The following MSRA variants were observed in gnomAD, a reference collection of about 807,000 sequenced individuals.
MSRA encodes the protein methionine sulfoxide reductase A, also known as mitochondrial peptide methionine sulfoxide reductase.
A neutral mutation model predicts 31.3 loss-of-function variants in MSRA; 54 were observed. The ratio of observed to expected loss-of-function variants is 1.73; its 90% CI spans 1.39 to 2.17. The LOEUF (loss-of-function observed/expected upper bound fraction) is 2.17. Among genes scored for constraint, MSRA ranks in the 30% most tolerant of loss-of-function variants. The pLI, the probability that MSRA is intolerant of heterozygous loss-of-function variation, is 0.00. For missense variants in MSRA, 507 were observed against 300.9 expected, an observed-to-expected ratio of 1.69 and a Z score of -5.07; for synonymous variants, 169 against 116.5, an observed-to-expected ratio of 1.45 and a Z score of -2.90.
intron 3 of MSRA, among the ~76,000 whole-genome samples, chr8:10,296,983 G>A (rs1220312857): frequency 6.6e-6 from 1 of 152,176 alleles, no homozygotes; most frequent in African/African-American, 2.4e-5. Context: ...CCCAACAGTA[G>A]CAAAATCTAA....
chr8:10,291,612 A>G (rs773931706), intron 3 of MSRA, among the ~76,000 whole-genome samples: 2 of 152,116 alleles, frequency 1.3e-5, no homozygotes, highest in Non-Finnish European at 2.9e-5. Context: ...TTAATTAGCA[A>G]GAGAAAAGTA....
At chr8:10,263,851 G>C (rs1414364158) in intron 3 of MSRA, among the ~76,000 whole-genome samples, 1 of 152,180 alleles carries the variant, frequency 6.6e-6, no homozygotes, top group East Asian at 1.9e-4. Flanking sequence ...GATGCTTTTA[G>C]AAATCAAATA....
intron 5 of MSRA, chr8:10,337,502 A>C (rs1803130450): frequency 5.4e-6 from 3 of 558,718 alleles, no homozygotes; most frequent in Non-Finnish European, 9.5e-6. Flanking sequence ...TTTTAAGATG[A>C]ATCCAAAAAG....
chr8:10,324,099 T>G (rs1209355810), intron 5 of MSRA, among the ~76,000 whole-genome samples: 1 of 152,190 alleles, frequency 6.6e-6, no homozygotes, highest in Non-Finnish European at 1.5e-5. Flanking sequence ...CCACTCGCCT[T>G]TCCGCCATGA....
At chr8:10,331,113 G>A (rs1327062762) in intron 5 of MSRA, among the ~76,000 whole-genome samples, 1 of 152,206 alleles carries the variant, frequency 6.6e-6, no homozygotes, top group Admixed American at 6.5e-5. Flanking sequence ...AAGAGGACTT[G>A]GAATAAACCT....
chr8:10,197,053 C>T (rs1192846404), intron 1 of MSRA, among the ~76,000 whole-genome samples: 6 of 152,156 alleles, frequency 3.9e-5, no homozygotes, highest in East Asian at 1.9e-4. Context: ...CTACTTTCAA[C>T]GTTGTTATTC....
intron 2 of MSRA, among the ~76,000 whole-genome samples, chr8:10,240,157 G>A (rs1025247299): frequency 3.9e-5 from 6 of 152,194 alleles, no homozygotes; most frequent in Non-Finnish European, 4.4e-5. Context: ...GTGAGTGTAA[G>A]AACACATCAC....
intron 1 of MSRA, among the ~76,000 whole-genome samples, chr8:10,065,343 A>C (rs1374563837): frequency 6.6e-6 from 1 of 152,186 alleles, no homozygotes; most frequent in Non-Finnish European, 1.5e-5. Context: ...TCAGAATGTA[A>C]GAGGGGTTTC....
chr8:10,128,437 C>T lies in MSRA; in HGVS notation c.142+73779C>T, dbSNP rs143606733. 1.3e-4 allele frequency among the ~76,000 whole-genome samples: 20 copies of T among 152,186 alleles called. No individual in the cohort carries two copies. The East Asian group carries it at 3.1e-3, about 24-fold the overall frequency. On this transcript the variant is annotated intron_variant, in intron 1 of 5. Transcript: ENST00000317173. ...TGATGATCAGATGTGAACATAAACA[C>T]GTTCAGGATCATATACATTGCTGGA...
chr8:10,293,855 A>G (rs1345412654), intron 3 of MSRA, among the ~76,000 whole-genome samples: 3 of 152,016 alleles, frequency 2.0e-5, no homozygotes, highest in African/African-American at 7.3e-5. Context: ...AGAGCTGGCT[A>G]CTCAGGGATC....
At chr8:10,279,905 G>A (rs1799528674) in intron 3 of MSRA, among the ~76,000 whole-genome samples, 1 of 152,166 alleles carries the variant, frequency 6.6e-6, no homozygotes, top group Admixed American at 6.5e-5. Flanking sequence ...ATTAAATGTG[G>A]CAAATCTGTT....
chr8:10,301,423 C>T lies in MSRA; in HGVS notation c.332-111C>T, dbSNP rs536231334. On this transcript the variant is annotated intron_variant, in intron 3 of 5. Transcript: ENST00000317173. Reference sequence around the variant, plus strand: ...AAGTCTAATCCTCCTTCCATTCTTCCTTCACAGGGTAGAGTTTCAGCTTTT... The same window carrying T: ...AAGTCTAATCCTCCTTCCATTCTTCTTTCACAGGGTAGAGTTTCAGCTTTT... The T allele has an allele frequency of 5.2e-5, 39 of 748,282 alleles. No homozygotes were observed. In the African/African-American group the frequency reaches 6.5e-4, roughly 12 times the overall value. 46.4% of individuals were successfully genotyped at this position (748,282 alleles called of 1,614,324 possible). A position where few individuals can be genotyped will look rare whatever the true frequency, so the allele number is the denominator to read the frequency against.
intron 3 of MSRA, among the ~76,000 whole-genome samples, chr8:10,263,539 C>T (rs1332618796): frequency 2.6e-5 from 4 of 152,190 alleles, no homozygotes; most frequent in South Asian, 2.1e-4. Context: ...GTACCAAAAC[C>T]GGGAATCATT....
At chr8:10,174,814 GTTTC>G (rs1270378729) in intron 1 of MSRA, among the ~76,000 whole-genome samples, 1 of 152,146 alleles carries the variant, frequency 6.6e-6, no homozygotes, top group Non-Finnish European at 1.5e-5. Flanking sequence ...CCGACGCTGA[GTTTC>G]TTTGTCAAAA....
At chr8:10,160,140 G>A (rs1380021179) in intron 1 of MSRA, among the ~76,000 whole-genome samples, 1 of 152,166 alleles carries the variant, frequency 6.6e-6, no homozygotes, top group East Asian at 1.9e-4. Flanking sequence ...ACTTAATTCA[G>A]CTTCATTACA....
chr8:10,204,772 A>AT (rs1808798834), intron 1 of MSRA, among the ~76,000 whole-genome samples: 1 of 152,172 alleles, frequency 6.6e-6, no homozygotes, highest in African/African-American at 2.4e-5. Flanking sequence ...CTAAAGAGAG[A>AT]TTTTTTAGTA....
intron 2 of MSRA, among the ~76,000 whole-genome samples, chr8:10,209,211 A>G (rs1809270190): frequency 6.6e-6 from 1 of 152,240 alleles, no homozygotes; most frequent in South Asian, 2.1e-4. Context: ...CTGTCCCAGC[A>G]TGGTGTCTGT....
At chr8:10,421,538 C>T (rs1219241795) in intron 5 of MSRA, among the ~76,000 whole-genome samples, 2 of 151,798 alleles carry the variant, frequency 1.3e-5, no homozygotes, top group African/African-American at 4.8e-5. Flanking sequence ...CTGAGACACT[C>T]GGGCACTTGG....
intron 1 of MSRA, among the ~76,000 whole-genome samples, chr8:10,181,755 T>G (rs1806562076): frequency 6.6e-6 from 1 of 152,096 alleles, no homozygotes; most frequent in Non-Finnish European, 1.5e-5. Context: ...CCAGACGTAT[T>G]ATGAAGGTCA....
Sources: allele counts gnomAD v4.1 joint callset (sites outside exome capture counted in the v4.1 genomes callset), GRCh38; gene constraint gnomAD v4.1.1; transcripts MANE v1.5; gene names NCBI Gene and HGNC (gene_info 2026-07-23, HGNC 2026-07-21).